ABCA12: variants seen among roughly 807,000 people sequenced by gnomAD.
ABCA12 encodes ATP binding cassette subfamily A member 12, also known as glucosylceramide transporter ABCA12.
ABCA12 carries 156 observed loss-of-function variants against 293.5 expected under a neutral mutation model. That is an observed-to-expected ratio of 0.53 (90% confidence interval 0.47 to 0.61). The LOEUF is 0.61. Ranked by LOEUF, ABCA12 falls within the 20% of genes least tolerant of loss-of-function variation. The pLI is 0.00. For synonymous variants in ABCA12, 1,063 were observed against 1,108.0 expected (o/e 0.96, Z 0.81); for missense variants, 2,797 against 3,090.2 (o/e 0.91, Z 2.25).
chr2:215,070,793 A>AACTTAATAAATGCATATAATG (rs1431506375), intron 2 of ABCA12, among the ~76,000 whole-genome samples: 54 of 152,202 alleles, frequency 3.5e-4, no homozygotes, highest in African/African-American at 1.3e-3. Context: ...TATTAAGTAA[A>AACTTAATAAATGCATATAATG]ATGCATATAG....
At position 214,947,509 on chromosome 2, in the gene ABCA12, G is replaced by T. The variant is rs1467487610; in HGVS notation, c.7152C>A (p.Asp2384Glu). The change falls in exon 48 of 53, where the codon GAC becomes GAA. Residue 2384 changes from aspartate (D) to glutamate (E), a missense_variant. This residue lies in a region of ABCA12 where 2,130 missense variants were observed against 2,427.0 expected (regional missense o/e 0.88). Transcript: ENST00000272895. Reference sequence around the variant, plus strand: ...CATAACTGCACATAGAGGTAGCTCTGTCCTTGAAGGGCATCAGGTGAAGTC... The same window carrying T: ...CATAACTGCACATAGAGGTAGCTCTTTCCTTGAAGGGCATCAGGTGAAGTC... ...LRRLHLMPFKDRATSMCSYGT... is the reference protein window; with the variant it reads ...LRRLHLMPFKERATSMCSYGT... The T allele has an allele frequency of 6.2e-7, 1 of 1,613,926 alleles. No individual in the cohort carries two copies. Among genetic ancestry groups the T allele is most frequent in the Non-Finnish European group, 8.5e-7 (1 of 1,179,890 alleles).
At chr2:215,029,634 T>C (rs1425962347) in intron 9 of ABCA12, among the ~76,000 whole-genome samples, 1 of 152,162 alleles carries the variant, frequency 6.6e-6, no homozygotes, top group Non-Finnish European at 1.5e-5. Flanking sequence ...ATTCTCTTAG[T>C]TTCATGAAGA....
chr2:214,955,389 A>C, intron 42 of ABCA12, 28 bp from the exon 43 acceptor site: 1 of 1,612,922 alleles, frequency 6.2e-7, no homozygotes, highest in Non-Finnish European at 8.5e-7. Context: ...AAAGAATTAA[A>C]ATTACGCCTC....
At chr2:215,032,018 T>C in intron 8 of ABCA12, 122 bp from the exon 9 acceptor site, 1 of 1,561,102 alleles carries the variant, frequency 6.4e-7, no homozygotes, top group African/African-American at 1.4e-5. Flanking sequence ...GCAGAATCAT[T>C]CTCAAAAGAA....
chr2:215,005,609 C>A (rs372725313), intron 19 of ABCA12, among the ~76,000 whole-genome samples: 112 of 152,308 alleles, frequency 7.4e-4, no homozygotes, highest in African/African-American at 2.6e-3. Context: ...CTTGGAAAAT[C>A]TGTATCAGAG....
chr2:215,111,166 A>G (rs1702563857), intron 2 of ABCA12, among the ~76,000 whole-genome samples: 1 of 152,222 alleles, frequency 6.6e-6, no homozygotes, highest in Admixed American at 6.5e-5. Flanking sequence ...CCACTCAAAT[A>G]TCAGCCCTAA....
At chr2:215,043,267 TG>T (rs1218244584) in intron 7 of ABCA12, among the ~76,000 whole-genome samples, 1 of 152,240 alleles carries the variant, frequency 6.6e-6, no homozygotes, top group Non-Finnish European at 1.5e-5. Flanking sequence ...TTGCATTATT[TG>T]TTTTTTTGCT....
intron 41 of ABCA12, among the ~76,000 whole-genome samples, chr2:214,957,786 A>G (rs756129910): frequency 9.2e-5 from 14 of 152,240 alleles, no homozygotes; most frequent in Admixed American, 2.6e-4. Flanking sequence ...TTTTCCTACT[A>G]ATCTTCTCTA....
chr2:214,988,681 T>C (rs1410742573), intron 26 of ABCA12, among the ~76,000 whole-genome samples: 1 of 152,152 alleles, frequency 6.6e-6, no homozygotes, highest in South Asian at 2.1e-4. Context: ...GTTTTTCCCT[T>C]ATTATCTCTC....
At chr2:215,021,904 T>C (rs1018347720) in intron 11 of ABCA12, 1 of 152,174 alleles carries the variant, frequency 6.6e-6, no homozygotes, top group Non-Finnish European at 1.5e-5. Flanking sequence ...TAGGTTTATA[T>C]GTACAAAAAT....
At chr2:215,004,066 A>G in intron 20 of ABCA12, 143 bp downstream of exon 20, 1 of 659,694 alleles carries the variant, frequency 1.5e-6, no homozygotes, top group Non-Finnish European at 2.7e-6. Context: ...TAGGGGGGAT[A>G]TATCCAGGGT....
chr2:215,062,771 G>T (rs1045619399), intron 3 of ABCA12, among the ~76,000 whole-genome samples: 2 of 151,954 alleles, frequency 1.3e-5, no homozygotes, highest in African/African-American at 2.4e-5. Flanking sequence ...GTCACTTCTA[G>T]CAGAGGCCTT....
At chr2:215,116,308 T>C (rs1702685153) in intron 1 of ABCA12, among the ~76,000 whole-genome samples, 1 of 152,228 alleles carries the variant, frequency 6.6e-6, no homozygotes, top group East Asian at 1.9e-4. Context: ...GAGTTCTAGG[T>C]GTGATCATTG....
At chr2:215,134,234 A>ATATG (rs1703124780) in intron 1 of ABCA12, among the ~76,000 whole-genome samples, 3 of 149,726 alleles carry the variant, frequency 2.0e-5, no homozygotes. Context: ...GCATATATAT[A>ATATG]TGTATATGTG....
rs149264467 is a variant in ABCA12, at chr2:215,011,980, T to C, written c.2112A>G (p.Pro704=). ...LKQMHLPRSV[P]LTQAMYRSNR... Reference sequence around the variant, plus strand: ...TGGGTGACTTTGCTACCTGTGTTAATGGAACACTTCTGGGCAGATGCATTT... The same window carrying C: ...TGGGTGACTTTGCTACCTGTGTTAACGGAACACTTCTGGGCAGATGCATTT... The change falls in exon 16 of 53, where the codon CCA becomes CCG. Residue 704 remains proline, a synonymous_variant. Transcript: ENST00000272895. 32 of 1,613,616 alleles carry C rather than the reference T, an allele frequency of 2.0e-5. No individual in the cohort carries two copies. The African/African-American group carries it at 3.5e-4, about 17-fold the overall frequency.
intron 13 of ABCA12, 92 bp downstream of exon 13, chr2:215,019,244 G>T: frequency 1.7e-6 from 2 of 1,169,952 alleles, no homozygotes; most frequent in East Asian, 2.4e-5. Flanking sequence ...AGCGAGTTTG[G>T]TTGGGAACTT....
intron 31 of ABCA12, among the ~76,000 whole-genome samples, chr2:214,979,589 A>G (rs994267551): frequency 1.3e-5 from 2 of 152,018 alleles, no homozygotes; most frequent in African/African-American, 4.8e-5. Flanking sequence ...AATTGCCAAT[A>G]TATGAAATAA....
chr2:214,932,782 G>A (rs1698100490), intron 52 of ABCA12, 41 bp from the exon 53 acceptor site: 3 of 1,421,282 alleles, frequency 2.1e-6, no homozygotes, highest in African/African-American at 2.8e-5. Context: ...TGCCTGGTAA[G>A]CCAAAGGAAA....
chr2:214,937,720 C>T, intron 50 of ABCA12, 105 bp from the exon 51 acceptor site: 4 of 801,534 alleles, frequency 5.0e-6, no homozygotes, highest in Non-Finnish European at 8.4e-6. Context: ...ATTATATCAC[C>T]TTTTCTTTAT....
Sources: gnomAD v4.1 joint callset for allele counts (sites outside exome capture counted in the v4.1 genomes callset) on GRCh38, gnomAD v4.1.1 for gene constraint, gnomAD v4.1.1 regional missense constraint, MANE v1.5 for transcripts, NCBI Gene and HGNC (gene_info 2026-07-23, HGNC 2026-07-21) for gene names.